Variants in CHST8 observed in about 807,000 individuals in gnomAD.
CHST8 encodes the protein GALNAC-4-ST1.
Under a neutral mutation model 15.0 loss-of-function variants are expected in CHST8, and 10 were observed. The observed-to-expected ratio is 0.67, with a 90% CI of 0.41 to 1.13. The LOEUF (loss-of-function observed/expected upper bound fraction) is 1.13, where lower values mean the gene tolerates loss of function less well. CHST8 is among the 50% of genes most tolerant of loss of function. The pLI is 0.00. For missense variants in CHST8, 634 were observed against 608.2 expected (o/e 1.04, Z -0.45); for synonymous variants, 259 against 256.6 (o/e 1.01, Z -0.09).
chr19:33,636,027 T>G (rs1600227935), intron 1 of CHST8, among the ~76,000 whole-genome samples: 1 of 146,642 alleles, frequency 6.8e-6, no homozygotes. Flanking sequence ...TTTTTTTTGG[T>G]GGGAAGACAG....
intron 3 of CHST8, among the ~76,000 whole-genome samples, chr19:33,749,532 G>GCT (rs201820939): frequency 0.021 from 3,191 of 151,718 alleles, 51 homozygotes; most frequent in East Asian, 0.027. Context: ...CACATGGGTG[G>GCT]CTGGAATCAG....
chr19:33,752,173 T>G (rs1393015323), intron 3 of CHST8, among the ~76,000 whole-genome samples: 1 of 152,138 alleles, frequency 6.6e-6, no homozygotes, highest in Non-Finnish European at 1.5e-5. Flanking sequence ...TGGGATGAAG[T>G]AGGGGCTGCC....
rs568253972 is a variant in CHST8 at position 33,707,710 on chromosome 19, A to G, written c.130+18319A>G. Reference sequence around the variant, plus strand: ...TTTGGCCATTAGGACTAATGCTGCTATGAACATTCATGTGAAAGTTTTTAT... The same window carrying G: ...TTTGGCCATTAGGACTAATGCTGCTGTGAACATTCATGTGAAAGTTTTTAT... On this transcript the variant is annotated intron_variant, in intron 3 of 4. Transcript: ENST00000650847. Among the ~76,000 whole-genome samples, 44 of 152,332 alleles carry G rather than the reference A, an allele frequency of 2.9e-4. No individual in the cohort carries two copies. The South Asian group carries it at 3.5e-3, about 12-fold the overall frequency.
chr19:33,765,666 A>AT (rs1974825502), intron 3 of CHST8, among the ~76,000 whole-genome samples: 1 of 151,798 alleles, frequency 6.6e-6, no homozygotes. Context: ...GGTTTAAGCG[A>AT]TTCTCCTGCC....
intron 3 of CHST8, among the ~76,000 whole-genome samples, chr19:33,732,626 T>C (rs1192674833): frequency 6.6e-6 from 1 of 152,098 alleles, no homozygotes; most frequent in Non-Finnish European, 1.5e-5. Context: ...GAACAGGGTC[T>C]GGGAGGGTCC....
chr19:33,770,170 G>A (rs1402700197), intron 3 of CHST8, among the ~76,000 whole-genome samples: 2 of 152,204 alleles, frequency 1.3e-5, no homozygotes, highest in African/African-American at 2.4e-5. Flanking sequence ...GGAAGACCTG[G>A]AGATCCCTTC....
At chr19:33,634,750 C>A (rs527668003) in intron 1 of CHST8, among the ~76,000 whole-genome samples, 3 of 148,380 alleles carry the variant, frequency 2.0e-5, no homozygotes, top group African/African-American at 7.5e-5. Context: ...TCACAATGCC[C>A]AGAATAGTCC....
chr19:33,642,028 C>G (rs2145201551), intron 1 of CHST8, among the ~76,000 whole-genome samples: 1 of 152,336 alleles, frequency 6.6e-6, no homozygotes, highest in South Asian at 2.1e-4. Flanking sequence ...TGATTTCCGC[C>G]TGGAGGATGA....
chr19:33,759,925 T>C (rs1040383969), intron 3 of CHST8, among the ~76,000 whole-genome samples: 1 of 152,116 alleles, frequency 6.6e-6, no homozygotes, highest in African/African-American at 2.4e-5. Context: ...CAGCAAACAC[T>C]GCAAACCAGG....
At chr19:33,627,098 T>TTGG (rs879471644) in intron 1 of CHST8, among the ~76,000 whole-genome samples, 48 of 68,722 alleles carry the variant, frequency 7.0e-4, no homozygotes, top group African/African-American at 2.2e-3. Context: ...CCTCTTTTTT[T>TTGG]GGGGGGGGGG....
chr19:33,624,004 GA>G (rs1411380959), intron 1 of CHST8, among the ~76,000 whole-genome samples: 1 of 152,190 alleles, frequency 6.6e-6, no homozygotes, highest in Non-Finnish European at 1.5e-5. Context: ...TTTGAACACA[GA>G]AAAACCTCAA....
intron 3 of CHST8, among the ~76,000 whole-genome samples, chr19:33,702,279 C>T (rs968637295): frequency 5.9e-5 from 9 of 152,222 alleles, no homozygotes; most frequent in African/African-American, 2.2e-4. Flanking sequence ...AGCCACCACA[C>T]CCGGCCTATG....
chr19:33,696,388 G>A (rs1189884661), intron 3 of CHST8, among the ~76,000 whole-genome samples: 1 of 152,024 alleles, frequency 6.6e-6, no homozygotes, highest in African/African-American at 2.4e-5. Context: ...AGCTATCAAA[G>A]CTGAGCTCGG....
intron 3 of CHST8, among the ~76,000 whole-genome samples, chr19:33,720,057 G>A (rs1411369464): frequency 1.3e-5 from 2 of 152,096 alleles, no homozygotes; most frequent in Non-Finnish European, 2.9e-5. Context: ...CAGCCCCGCT[G>A]TCTGTACACA....
At chr19:33,629,565 C>T (rs1972097535) in intron 1 of CHST8, among the ~76,000 whole-genome samples, 1 of 152,256 alleles carries the variant, frequency 6.6e-6, no homozygotes, top group Non-Finnish European at 1.5e-5. Context: ...ATCTACCAGG[C>T]TCTGTCCTCC....
intron 2 of CHST8, chr19:33,684,549 TGCC>T: frequency 6.5e-6 from 1 of 152,702 alleles, no homozygotes; most frequent in African/African-American, 2.4e-5. Context: ...CAGAGTTTGC[TGCC>T]GCCGCCGCCG....
chr19:33,652,503 G>A (rs897141529), intron 1 of CHST8, among the ~76,000 whole-genome samples: 10 of 150,356 alleles, frequency 6.7e-5, no homozygotes, highest in African/African-American at 2.4e-4. Context: ...AGCTTCCTGA[G>A]TAGCTGGGAC....
intron 3 of CHST8, among the ~76,000 whole-genome samples, chr19:33,768,872 G>A (rs1974908641): frequency 6.6e-6 from 1 of 152,224 alleles, no homozygotes; most frequent in Non-Finnish European, 1.5e-5. Flanking sequence ...TACTTAAGAT[G>A]TTACTGATCT....
intron 3 of CHST8, among the ~76,000 whole-genome samples, chr19:33,716,623 C>A (rs1228882646): frequency 6.6e-6 from 1 of 152,182 alleles, no homozygotes; most frequent in Non-Finnish European, 1.5e-5. Flanking sequence ...CCGCACTGGC[C>A]TCTCAAGGTG....
Sources: allele counts gnomAD v4.1 joint callset (sites outside exome capture counted in the v4.1 genomes callset), GRCh38; gene constraint gnomAD v4.1.1; transcripts MANE v1.5; gene names NCBI Gene and HGNC (gene_info 2026-07-23, HGNC 2026-07-21).